PDGFRL: variants seen among roughly 807,000 people sequenced by gnomAD.
The protein encoded by PDGFRL is platelet derived growth factor receptor like.
Under a neutral mutation model 37.2 loss-of-function variants are expected in PDGFRL, and 46 were observed. That is an observed-to-expected ratio of 1.24 (90% CI 0.98 to 1.58). PDGFRL has a LOEUF of 1.58. Among genes scored for constraint, PDGFRL ranks in the 40% most tolerant of loss-of-function variants. The pLI is 0.00. For synonymous variants in PDGFRL, 251 were observed against 184.3 expected, an observed-to-expected ratio of 1.36 and a Z score of -2.93; for missense variants, 692 against 467.6, an observed-to-expected ratio of 1.48 and a Z score of -4.43.
At chr8:17,631,815 T>A (rs1174618318) in intron 4 of PDGFRL, among the ~76,000 whole-genome samples, 1 of 152,074 alleles carries the variant, frequency 6.6e-6, no homozygotes, top group Non-Finnish European at 1.5e-5. Flanking sequence ...GCTTTCTCAC[T>A]CTTCTTGGTC....
At chr8:17,591,359 C>T (rs948991845) in intron 2 of PDGFRL, among the ~76,000 whole-genome samples, 1 of 152,130 alleles carries the variant, frequency 6.6e-6, no homozygotes, top group Non-Finnish European at 1.5e-5. Flanking sequence ...GAAAGAAACA[C>T]GTGCTTCCTG....
At chr8:17,618,823 G>C (rs1193915971) in intron 2 of PDGFRL, among the ~76,000 whole-genome samples, 1 of 152,150 alleles carries the variant, frequency 6.6e-6, no homozygotes, top group Non-Finnish European at 1.5e-5. Context: ...GTACCATCTA[G>C]TGTAATGACA....
chr8:17,640,970 G>T (rs1447336244), intron 5 of PDGFRL, among the ~76,000 whole-genome samples: 8 of 152,150 alleles, frequency 5.3e-5, no homozygotes, highest in African/African-American at 1.7e-4. Context: ...GGGACTGGCG[G>T]TGTGGTTCTC....
At chr8:17,629,054 A>AC (rs1804800108) in intron 4 of PDGFRL, among the ~76,000 whole-genome samples, 1 of 150,136 alleles carries the variant, frequency 6.7e-6, no homozygotes, top group Non-Finnish European at 1.5e-5. Context: ...AGTAGCTGGA[A>AC]CCACAGGTAT....
intron 1 of PDGFRL, among the ~76,000 whole-genome samples, chr8:17,587,107 G>C (rs1474495430): frequency 7.2e-5 from 11 of 152,196 alleles, no homozygotes; most frequent in Non-Finnish European, 1.3e-4. Context: ...CTGGGTATCT[G>C]TGGGGACACT....
At position 17,601,349 on chromosome 8, in the gene PDGFRL, TA is replaced by T; in HGVS notation, c.353+11587del. 1.3e-5 allele frequency among the ~76,000 whole-genome samples: 2 copies of T among 152,256 alleles called. 1 individual carries two copies. Among genetic ancestry groups the T allele is most frequent in the Admixed American group, 1.3e-4 (2 of 15,298 alleles). On this transcript the variant is annotated intron_variant, in intron 2 of 5. Coordinates refer to ENST00000251630, the MANE Select transcript of PDGFRL (RefSeq NM_001372073.1). ...AGAGGCACTGAGCCTGCAGGGGATC[TA>T]AAGTCAGGCCCCTGAGATCATGTGA...
chr8:17,639,117 C>G (rs531900045), intron 5 of PDGFRL, among the ~76,000 whole-genome samples: 2 of 152,046 alleles, frequency 1.3e-5, no homozygotes, highest in Non-Finnish European at 2.9e-5. Flanking sequence ...CATGGAATAT[C>G]TTTTCCCAGC....
chr8:17,597,661 T>C (rs1804083311), intron 2 of PDGFRL, among the ~76,000 whole-genome samples: 1 of 152,130 alleles, frequency 6.6e-6, no homozygotes, highest in Non-Finnish European at 1.5e-5. Flanking sequence ...TAAAACACAA[T>C]ATGAAGAAAA....
At chr8:17,590,397 A>G (rs771461260) in intron 2 of PDGFRL, among the ~76,000 whole-genome samples, 2 of 151,856 alleles carry the variant, frequency 1.3e-5, no homozygotes, top group South Asian at 2.1e-4. Flanking sequence ...ACTATTATGC[A>G]TAGAGATGGA....
At chr8:17,598,512 C>T (rs114456325) in intron 2 of PDGFRL, among the ~76,000 whole-genome samples, 1,829 of 152,254 alleles carry the variant, frequency 0.012, 46 homozygotes, top group African/African-American at 0.041. Flanking sequence ...TGTCAGAAGT[C>T]AGTTCTTAGT....
intron 1 of PDGFRL, among the ~76,000 whole-genome samples, chr8:17,587,538 C>G (rs1803842759): frequency 1.3e-5 from 2 of 151,758 alleles, no homozygotes; most frequent in African/African-American, 2.4e-5. Flanking sequence ...GTGGGCTTTT[C>G]TTTCTTTCTT....
At chr8:17,619,611 T>G (rs527286288) in intron 2 of PDGFRL, among the ~76,000 whole-genome samples, 1 of 152,324 alleles carries the variant, frequency 6.6e-6, no homozygotes, top group African/African-American at 2.4e-5. Context: ...AAAAGAAAGT[T>G]TTTGGTTTTA....
At chr8:17,615,074 T>C (rs933406445) in intron 2 of PDGFRL, among the ~76,000 whole-genome samples, 2 of 152,354 alleles carry the variant, frequency 1.3e-5, no homozygotes, top group Middle Eastern at 3.4e-3. Flanking sequence ...GTTTCAGTTA[T>C]TGTTATAAGT....
intron 5 of PDGFRL, among the ~76,000 whole-genome samples, chr8:17,639,934 T>C (rs1360285071): frequency 1.3e-5 from 2 of 152,234 alleles, no homozygotes; most frequent in Non-Finnish European, 2.9e-5. Context: ...TTTGTTTGTT[T>C]AATATAATCC....
intron 2 of PDGFRL, among the ~76,000 whole-genome samples, chr8:17,619,721 C>G (rs1459684516): frequency 6.6e-6 from 1 of 152,186 alleles, no homozygotes; most frequent in Non-Finnish European, 1.5e-5. Flanking sequence ...TGTGTGCTTT[C>G]ATTTATGTTG....
At chr8:17,629,672 A>T (rs990197278) in intron 4 of PDGFRL, among the ~76,000 whole-genome samples, 7 of 151,982 alleles carry the variant, frequency 4.6e-5, no homozygotes, top group African/African-American at 1.7e-4. Context: ...GGTGACTTTG[A>T]TATCGACTTG....
intron 3 of PDGFRL, among the ~76,000 whole-genome samples, chr8:17,622,124 A>T (rs1001481360): frequency 6.6e-6 from 1 of 152,196 alleles, no homozygotes; most frequent in East Asian, 1.9e-4. Context: ...TGCAGTGCAA[A>T]GTATGTTTCT....
At chr8:17,599,343 C>A (rs768027636) in intron 2 of PDGFRL, among the ~76,000 whole-genome samples, 1 of 152,206 alleles carries the variant, frequency 6.6e-6, no homozygotes, top group Non-Finnish European at 1.5e-5. Flanking sequence ...ATCATTCTTA[C>A]GCCTTTGTGT....
intron 3 of PDGFRL, among the ~76,000 whole-genome samples, chr8:17,621,616 G>T (rs1342310474): frequency 6.6e-6 from 1 of 152,132 alleles, no homozygotes; most frequent in Non-Finnish European, 1.5e-5. Flanking sequence ...CAAGTTCTCA[G>T]TGCACTTGCC....
Sources: allele counts gnomAD v4.1 joint callset (sites outside exome capture counted in the v4.1 genomes callset), GRCh38; gene constraint gnomAD v4.1.1; transcripts MANE v1.5; gene names NCBI Gene and HGNC (gene_info 2026-07-23, HGNC 2026-07-21).